CFAP97: variants seen among roughly 807,000 people sequenced by gnomAD.
CFAP97 encodes cilia- and flagella-associated protein 97.
In CFAP97, 36 loss-of-function variants were observed where a neutral mutation model predicts 43.1. The observed-to-expected ratio is 0.84, with a 90% confidence interval of 0.64 to 1.10. CFAP97 has a LOEUF of 1.10. Ranked by LOEUF, CFAP97 falls within the 50% of genes least tolerant of loss-of-function variation. CFAP97 has a pLI of 0.00. For missense variants in CFAP97, 657 were observed against 620.3 expected (o/e 1.06, Z -0.63); for synonymous variants, 228 against 225.7 (o/e 1.01, Z -0.09).
At chr4:185,205,182 G>T (rs1327816403), upstream of CFAP97, among the ~76,000 whole-genome samples, 1 of 152,244 alleles carries the variant, frequency 6.6e-6, no homozygotes, top group Non-Finnish European at 1.5e-5. Context: ...TTGGCTGGGC[G>T]CAGTGGCTCA....
intron 3 of CFAP97, among the ~76,000 whole-genome samples, chr4:185,165,370 A>G (rs1466338916): frequency 6.6e-6 from 1 of 151,812 alleles, no homozygotes; most frequent in Non-Finnish European, 1.5e-5. Flanking sequence ...TAACATGGTA[A>G]TTTTTTTTAC....
chr4:185,170,127 C>T (rs996059452), intron 3 of CFAP97: 1 of 967,398 alleles, frequency 1.0e-6, no homozygotes, highest in African/African-American at 1.7e-5. Context: ...GCAGATGGAT[C>T]ACTTGAGGTC....
chr4:185,184,834 T>C (rs188504238), intron 2 of CFAP97, among the ~76,000 whole-genome samples: 45 of 152,356 alleles, frequency 3.0e-4, no homozygotes, highest in Admixed American at 8.5e-4. Context: ...TTGAGTGTTT[T>C]CTTCCTGTAA....
upstream of CFAP97, among the ~76,000 whole-genome samples, chr4:185,205,611 C>T (rs910072367): frequency 1.1e-4 from 17 of 152,146 alleles, no homozygotes; most frequent in Non-Finnish European, 2.2e-4. Flanking sequence ...GGCGGATCAC[C>T]TGAGGTCAGG....
intron 2 of CFAP97, among the ~76,000 whole-genome samples, chr4:185,181,877 T>C (rs1355893666): frequency 6.6e-6 from 1 of 152,176 alleles, no homozygotes; most frequent in African/African-American, 2.4e-5. Flanking sequence ...AGTATGGGCA[T>C]CTCCTTTCTT....
At chr4:185,170,027 T>C (rs1377110600) in intron 3 of CFAP97, 1 of 1,151,032 alleles carries the variant, frequency 8.7e-7, no homozygotes, top group African/African-American at 1.6e-5. Flanking sequence ...CAATCTCCCT[T>C]TAATTATTCC....
chr4:185,182,068 T>C (rs1209941120), intron 2 of CFAP97: 1 of 152,194 alleles, frequency 6.6e-6, no homozygotes, highest in Admixed American at 6.5e-5. Flanking sequence ...TATTTCATAG[T>C]TTATATAGTA....
At position 185,160,720 on chromosome 4, in the gene CFAP97, AGTT is replaced by A. The variant is rs1402584651; in HGVS notation, c.*2075_*2077del. ...AAATTAGTACCTAAAATCAAAGTAC[AGTT>A]GTTATTTATAAAACTATTGTGTTGT... On this transcript the variant is annotated 3_prime_UTR_variant, in exon 5 of 5. Coordinates refer to ENST00000458385, the MANE Select transcript of CFAP97 (RefSeq NM_020827.3). 1 of 151,772 alleles carries A rather than the reference AGTT, an allele frequency of 6.6e-6. No homozygotes were observed. Among genetic ancestry groups the A allele is most frequent in the Non-Finnish European group, 1.5e-5 (1 of 67,902 alleles). The allele number at this position is 151,772 out of a possible 1,614,324, so 9.4% of individuals were successfully genotyped here.
upstream of CFAP97, among the ~76,000 whole-genome samples, chr4:185,205,726 G>A (rs1253358067): frequency 6.6e-6 from 1 of 152,200 alleles, no homozygotes. Context: ...CTACTCAGGA[G>A]GCTGACGCAG....
chr4:185,208,552 AC>A (rs1382953282), upstream of CFAP97, among the ~76,000 whole-genome samples: 2 of 151,202 alleles, frequency 1.3e-5, no homozygotes, highest in Non-Finnish European at 2.9e-5. Flanking sequence ...ATATGGTGAA[AC>A]CCCGTCTCTA....
Position 185,164,056 on chromosome 4 carries a change from A to C in CFAP97, c.1444T>G (p.Ser482Ala). Residue 482 changes from serine (S) to alanine (A), a missense_variant, in exon 4 of 5, where the codon TCC (serine) becomes GCC (alanine). Transcript: ENST00000458385. ...AATGGGCTATATTGGCCAAGAGTGG[A>C]TCTGGCCCGTCTTGACAATGGTGAT... ...NSSPLSRRARSTLGQYSPLRA... is the reference protein window; with the variant it reads ...NSSPLSRRARATLGQYSPLRA... 6.2e-7 allele frequency: 1 copy of C among 1,614,010 alleles called. No homozygotes were observed. The highest frequency in any genetic ancestry group is 8.5e-7 in the Non-Finnish European group (1 of 1,179,866).
At chr4:185,171,294 G>C (rs185464348) in intron 3 of CFAP97, among the ~76,000 whole-genome samples, 1 of 152,018 alleles carries the variant, frequency 6.6e-6, no homozygotes, top group Non-Finnish European at 1.5e-5. Flanking sequence ...CAGCCCAGGA[G>C]TTCAGCCTGG....
In CFAP97 at chr4:185,162,727, G is replaced by C. The variant is rs1734914490; in HGVS notation, c.*71C>G. ...AAACGGTATTCTAGATGTTTACACA[G>C]AGAATTATAGGAATATGCACGAGCA... On this transcript the variant is annotated 3_prime_UTR_variant, in exon 5 of 5. Coordinates refer to ENST00000458385, the MANE Select transcript of CFAP97 (RefSeq NM_020827.3). The C allele has an allele frequency of 1.3e-6, 2 of 1,489,348 alleles. No individual in the cohort carries two copies. Among genetic ancestry groups the C allele is most frequent in the Non-Finnish European group, 1.8e-6 (2 of 1,083,338 alleles). The allele number at this position is 1,489,348 out of a possible 1,614,324, so 92.3% of individuals were successfully genotyped here.
At chr4:185,174,377 T>C (rs1475665273) in intron 3 of CFAP97, among the ~76,000 whole-genome samples, 1 of 152,214 alleles carries the variant, frequency 6.6e-6, no homozygotes, top group Non-Finnish European at 1.5e-5. Flanking sequence ...AGCTTAGTTA[T>C]CTGTTCCTTG....
At chr4:185,199,300 G>A (rs1256755048) in intron 1 of CFAP97, among the ~76,000 whole-genome samples, 1 of 152,170 alleles carries the variant, frequency 6.6e-6, no homozygotes, top group Non-Finnish European at 1.5e-5. Context: ...TTGAACCCAG[G>A]AGGCAGGTTG....
upstream of CFAP97, among the ~76,000 whole-genome samples, chr4:185,206,996 G>A (rs935953371): frequency 1.3e-5 from 2 of 152,136 alleles, no homozygotes; most frequent in Admixed American, 6.6e-5. Context: ...TGGGAGAAGA[G>A]TGTATCCCAG....
At chr4:185,199,398 G>C (rs2111421903) in intron 1 of CFAP97, among the ~76,000 whole-genome samples, 1 of 152,124 alleles carries the variant, frequency 6.6e-6, no homozygotes, top group East Asian at 1.9e-4. Context: ...TCTGGGTGCG[G>C]TGCCTCCCAC....
At chr4:185,180,790 G>C (rs765341873) in intron 2 of CFAP97, among the ~76,000 whole-genome samples, 2 of 151,624 alleles carry the variant, frequency 1.3e-5, no homozygotes, top group Admixed American at 1.3e-4. Flanking sequence ...TTTTCTCTAA[G>C]ATTTTCTCCA....
At chr4:185,164,609 T>A (rs529830165) in intron 3 of CFAP97, among the ~76,000 whole-genome samples, 1 of 152,190 alleles carries the variant, frequency 6.6e-6, no homozygotes, top group South Asian at 2.1e-4. Flanking sequence ...CTTCCTCATC[T>A]CTCTTTTCTG....
Sources: allele counts gnomAD v4.1 joint callset (sites outside exome capture counted in the v4.1 genomes callset), GRCh38; gene constraint gnomAD v4.1.1; transcripts MANE v1.5; gene names NCBI Gene and HGNC (gene_info 2026-07-23, HGNC 2026-07-21).